ALKBH8: variants seen among roughly 807,000 people sequenced by gnomAD.
The protein encoded by ALKBH8 is alkB homolog 8, tRNA methyltransferase, also known as tRNA (carboxymethyluridine(34)-5-O)-methyltransferase ALKBH8.
In ALKBH8, 36 loss-of-function variants were observed where a neutral mutation model predicts 59.8. The ratio of observed to expected loss-of-function variants is 0.60; its 90% CI spans 0.46 to 0.79. The LOEUF (loss-of-function observed/expected upper bound fraction) is 0.79. Among genes scored for constraint, ALKBH8 ranks in the 30% least tolerant of loss-of-function variants. The pLI, the probability that ALKBH8 is intolerant of heterozygous loss-of-function variation, is 0.00. For synonymous variants in ALKBH8, 276 were observed against 273.6 expected, an observed-to-expected ratio of 1.01 and a Z score of -0.09; for missense variants, 768 against 801.0, an observed-to-expected ratio of 0.96 and a Z score of 0.50.
At chr11:107,559,505 A>ATT in intron 2 of ALKBH8, among the ~76,000 whole-genome samples, 1 of 150,002 alleles carries the variant, frequency 6.7e-6, no homozygotes, top group East Asian at 1.9e-4. Context: ...AATGGAGCCT[A>ATT]TTTTTTTTTT....
chr11:107,525,512 A>G lies in ALKBH8; in HGVS notation c.959T>C (p.Leu320Ser). Reference sequence around the variant, plus strand: ...TCGTAGTCCCCTCTTGCTTAAAGTTAAGTCTCCAACATCACTGGTGATAAT... The same window carrying G: ...TCGTAGTCCCCTCTTGCTTAAAGTTGAGTCTCCAACATCACTGGTGATAAT... ...SGIITSDVGDLTLSKRGLRTS... is the reference protein window; with the variant it reads ...SGIITSDVGDSTLSKRGLRTS... Residue 320 changes from leucine (L) to serine (S), a missense_variant, in exon 9 of 12, where the codon TTA (leucine) becomes TCA (serine). By Grantham distance (145) the Leu-to-Ser change is moderately radical (BLOSUM62 -2). Coordinates refer to ENST00000428149, the MANE Select transcript of ALKBH8 (RefSeq NM_138775.3). 4 of 1,541,778 alleles carry G rather than the reference A, an allele frequency of 2.6e-6. 1 individual carries two copies. In the South Asian group the frequency reaches 4.8e-5, roughly 19 times the overall value.
chr11:107,533,775 A>C (rs617109), intron 7 of ALKBH8, among the ~76,000 whole-genome samples: 6,391 of 152,184 alleles, frequency 0.042, 452 homozygotes, highest in African/African-American at 0.15. Flanking sequence ...TTAATTGTAG[A>C]ATCTAGCTAG....
chr11:107,538,121 T>C (rs1863897920), intron 7 of ALKBH8, among the ~76,000 whole-genome samples: 1 of 152,122 alleles, frequency 6.6e-6, no homozygotes, highest in South Asian at 2.1e-4. Flanking sequence ...CTTGATCAGA[T>C]AAATATTCGC....
At chr11:107,555,346 C>T (rs955291668) in intron 3 of ALKBH8, among the ~76,000 whole-genome samples, 7 of 152,150 alleles carry the variant, frequency 4.6e-5, no homozygotes, top group African/African-American at 1.7e-4. Flanking sequence ...TTGCCAGAGC[C>T]TTAAAAGTAC....
chr11:107,504,755 C>A lies in ALKBH8; in HGVS notation c.1898G>T (p.Gly633Val). 1 of 1,552,080 alleles carries A rather than the reference C, an allele frequency of 6.4e-7. No individual in the cohort carries two copies. The highest frequency in any genetic ancestry group is 8.7e-7 in the Non-Finnish European group (1 of 1,147,058). Residue 633 changes from glycine (G) to valine (V), a missense_variant, in exon 12 of 12, where the codon GGA (glycine) becomes GTA (valine). Coordinates refer to ENST00000428149, the MANE Select transcript of ALKBH8 (RefSeq NM_138775.3). Reference protein sequence around the residue: ...FHRYYHVFREGELEGACRTVS... With the variant: ...FHRYYHVFREVELEGACRTVS... ...AGTCCTGCAGGCACCTTCCAGTTCT[C>A]CCTCACGGAACACATGGTAGTAACG...
At position 107,565,716 on chromosome 11, in the gene ALKBH8, C is replaced by A; in HGVS notation, c.-122G>T. 6.6e-7 allele frequency: 1 copy of A among 1,524,778 alleles called. No individual in the cohort carries two copies. Among genetic ancestry groups the A allele is most frequent in the Non-Finnish European group, 8.8e-7 (1 of 1,137,054 alleles). The allele number at this position is 1,524,778 out of a possible 1,614,324, so 94.5% of individuals were successfully genotyped here. A position where few individuals can be genotyped will look rare whatever the true frequency, so the allele number is the denominator to read the frequency against. On this transcript the variant is annotated 5_prime_UTR_variant, in exon 1 of 12. Coordinates refer to ENST00000428149, the MANE Select transcript of ALKBH8 (RefSeq NM_138775.3). ...ACTTGCACGCCATCTCCCCTGGGCG[C>A]GGCCATGTTGGAGAAAACTGCACTA...
intron 8 of ALKBH8, among the ~76,000 whole-genome samples, chr11:107,527,380 T>C (rs1863397990): frequency 6.6e-6 from 1 of 151,972 alleles, no homozygotes; most frequent in African/African-American, 2.4e-5. Context: ...AAGTTGTTGA[T>C]ACCTCTTTAC....
intron 2 of ALKBH8, among the ~76,000 whole-genome samples, chr11:107,558,470 T>A (rs1409843232): frequency 1.3e-5 from 2 of 152,160 alleles, no homozygotes; most frequent in African/African-American, 4.8e-5. Context: ...TGCAAAAACA[T>A]TCCCATATTC....
At chr11:107,533,702 A>G (rs559498393) in intron 7 of ALKBH8, among the ~76,000 whole-genome samples, 1 of 152,362 alleles carries the variant, frequency 6.6e-6, no homozygotes, top group South Asian at 2.1e-4. Flanking sequence ...AAGATGGACC[A>G]ATAAACAGAT....
At chr11:107,520,678 CTT>C (rs1168975888) in intron 10 of ALKBH8, among the ~76,000 whole-genome samples, 2 of 152,168 alleles carry the variant, frequency 1.3e-5, no homozygotes, top group Non-Finnish European at 2.9e-5. Flanking sequence ...CATGAACAAA[CTT>C]AACTCACTAG....
At chr11:107,521,915 G>GT (rs760573402) in intron 10 of ALKBH8, among the ~76,000 whole-genome samples, 11 of 152,088 alleles carry the variant, frequency 7.2e-5, no homozygotes, top group Non-Finnish European at 2.9e-5. Context: ...TATGATCACT[G>GT]TGAGCCCCAA....
At position 107,503,563 on chromosome 11, in the gene ALKBH8, T is replaced by A. The variant is rs1310728499; in HGVS notation, c.*1095A>T. 1.3e-5 allele frequency: 2 copies of A among 150,938 alleles called. No homozygotes were observed. The highest frequency in any genetic ancestry group is 2.9e-5 in the Non-Finnish European group (2 of 68,008). The allele number at this position is 150,938 out of a possible 1,614,324, so 9.3% of individuals were successfully genotyped here. A position where few individuals can be genotyped will look rare whatever the true frequency, so the allele number is the denominator to read the frequency against. ...ATGGTTGAATTTCTACCTTTGTTCCTCCAGGAAATCTAACCTAAGTGGTAA... is the reference window on the plus strand; with the variant it reads ...ATGGTTGAATTTCTACCTTTGTTCCACCAGGAAATCTAACCTAAGTGGTAA... On this transcript the variant is annotated 3_prime_UTR_variant, in exon 12 of 12. Coordinates refer to ENST00000428149, the MANE Select transcript of ALKBH8 (RefSeq NM_138775.3).
intron 10 of ALKBH8, among the ~76,000 whole-genome samples, chr11:107,514,733 T>C (rs1054399014): frequency 1.3e-5 from 2 of 152,092 alleles, no homozygotes; most frequent in Non-Finnish European, 2.9e-5. Flanking sequence ...TTAAATTCGG[T>C]TCATAGAATT....
chr11:107,522,571 A>G lies in ALKBH8; in HGVS notation c.1031-16T>C. On this transcript the variant is annotated splice_polypyrimidine_tract_variant and intron_variant, in intron 9 of 11. Transcript: ENST00000428149. The stretch of plus-strand genomic sequence containing the variant: ...AACGGGTAACCTTAATGAAAAAGCA[A>G]TACACACCTTTCCTTTTTATCAGAA... The G allele has an allele frequency of 3.9e-6, 6 of 1,544,946 alleles. No individual in the cohort carries two copies. Among genetic ancestry groups the G allele is most frequent in the Non-Finnish European group, 5.2e-6 (6 of 1,144,904 alleles).
At chr11:107,528,406 C>T in intron 8 of ALKBH8, among the ~76,000 whole-genome samples, 1 of 151,982 alleles carries the variant, frequency 6.6e-6, no homozygotes, top group East Asian at 1.9e-4. Flanking sequence ...GTGCAGGTGG[C>T]TCTTTTTAAA....
chr11:107,537,934 T>C (rs1863888402), intron 7 of ALKBH8, among the ~76,000 whole-genome samples: 1 of 152,124 alleles, frequency 6.6e-6, no homozygotes, highest in Non-Finnish European at 1.5e-5. Context: ...CTTTAGTGCC[T>C]TTCTGGTCCA....
chr11:107,513,735 G>T (rs1312070337), intron 10 of ALKBH8, among the ~76,000 whole-genome samples: 1 of 152,182 alleles, frequency 6.6e-6, no homozygotes, highest in Non-Finnish European at 1.5e-5. Context: ...GTCACTTGCT[G>T]TATGCAACAT....
rs148028745 is a variant in ALKBH8 at position 107,548,594 on chromosome 11, T to C, written c.771+1159A>G. On this transcript the variant is annotated intron_variant, in intron 7 of 11. Coordinates refer to ENST00000428149, the MANE Select transcript of ALKBH8 (RefSeq NM_138775.3). ...AAAGCACCTGTATTAAGAATCTACATACATAGTTAATAAGATGGTTGTGTC... is the reference window on the plus strand; with the variant it reads ...AAAGCACCTGTATTAAGAATCTACACACATAGTTAATAAGATGGTTGTGTC... Among the ~76,000 whole-genome samples, 439 of 152,290 alleles carry C rather than the reference T, an allele frequency of 2.9e-3. 1 individual carries two copies. The highest frequency in any genetic ancestry group is 9.7e-3 in the African/African-American group (403 of 41,538).
intron 11 of ALKBH8, among the ~76,000 whole-genome samples, chr11:107,508,173 C>CTT (rs34261151): frequency 2.2e-4 from 29 of 134,320 alleles, no homozygotes; most frequent in East Asian, 4.1e-4. Flanking sequence ...TTTTCAATGC[C>CTT]TTTTTTTTTT....
Sources: gnomAD v4.1 joint callset for allele counts (sites outside exome capture counted in the v4.1 genomes callset) on GRCh38, gnomAD v4.1.1 for gene constraint, MANE v1.5 for transcripts, NCBI Gene and HGNC (gene_info 2026-07-23, HGNC 2026-07-21) for gene names.